PPARGC1A: variants seen among roughly 807,000 people sequenced by gnomAD.
PPARGC1A encodes the protein peroxisome proliferator-activated receptor gamma coactivator 1-alpha.
In PPARGC1A, 25 loss-of-function variants were observed where a neutral mutation model predicts 88.7. The observed-to-expected ratio is 0.28, with a 90% confidence interval of 0.21 to 0.39. The LOEUF is 0.39. PPARGC1A is among the 10% of genes least tolerant of loss of function. PPARGC1A has a pLI of 1.00. For synonymous variants in PPARGC1A, 363 were observed against 355.6 expected, an observed-to-expected ratio of 1.02 and a Z score of -0.24; for missense variants, 880 against 968.7, an observed-to-expected ratio of 0.91 and a Z score of 1.22.
the PPARGC1A span, among the ~76,000 whole-genome samples, chr4:23,910,339 TATTATATATTA>T: frequency 1.6e-5 from 1 of 61,104 alleles, no homozygotes; most frequent in African/African-American, 8.8e-5. Context: ...ATATTATATA[TATTATATATTA>T]TATATATTAT....
At chr4:24,022,083 G>C in the PPARGC1A span, among the ~76,000 whole-genome samples, 7 of 152,280 alleles carry the variant, frequency 4.6e-5, no homozygotes, top group East Asian at 1.4e-3. Context: ...TGAGGGGCCA[G>C]GTCAGGCTGC....
At chr4:24,142,550 T>C in the PPARGC1A span, among the ~76,000 whole-genome samples, 2 of 152,126 alleles carry the variant, frequency 1.3e-5, no homozygotes, top group East Asian at 3.9e-4. Context: ...GGCGGGTGCC[T>C]GTTATCCCAG....
the PPARGC1A span, among the ~76,000 whole-genome samples, chr4:23,931,125 T>A: frequency 2.0e-5 from 3 of 152,266 alleles, no homozygotes; most frequent in East Asian, 5.8e-4. Context: ...GGGAAAGGAA[T>A]TGGCTGCTGT....
At chr4:24,018,284 C>A in the PPARGC1A span, among the ~76,000 whole-genome samples, 1 of 152,160 alleles carries the variant, frequency 6.6e-6, no homozygotes, top group Non-Finnish European at 1.5e-5. Flanking sequence ...TCTCCCTGAA[C>A]AGGTACAGTT....
the PPARGC1A span, among the ~76,000 whole-genome samples, chr4:24,409,856 T>C: frequency 6.4e-4 from 98 of 152,312 alleles, no homozygotes; most frequent in East Asian, 0.012. Context: ...CAGAAAACCA[T>C]GTGTGCTCCA....
At chr4:23,800,526 T>G (rs1481622284) in intron 12 of PPARGC1A, among the ~76,000 whole-genome samples, 3 of 151,532 alleles carry the variant, frequency 2.0e-5, no homozygotes, top group African/African-American at 7.3e-5. Flanking sequence ...AATAAATTAT[T>G]TTTAATCTTG....
the PPARGC1A span, among the ~76,000 whole-genome samples, chr4:24,220,623 C>CA: frequency 1.3e-5 from 2 of 151,898 alleles, no homozygotes; most frequent in South Asian, 2.1e-4. Context: ...AATGCAGGAA[C>CA]AAAAAAATGA....
the PPARGC1A span, among the ~76,000 whole-genome samples, chr4:24,094,010 A>T: frequency 1.3e-5 from 2 of 152,074 alleles, no homozygotes; most frequent in Admixed American, 1.3e-4. Flanking sequence ...TTTTTGTCCA[A>T]GGAAATGTAA....
At chr4:23,824,135 A>T in intron 7 of PPARGC1A, 145 bp downstream of exon 7, 1 of 687,632 alleles carries the variant, frequency 1.5e-6, no homozygotes, top group South Asian at 2.3e-5. Flanking sequence ...AAACAACTGG[A>T]AATATTTGCA....
chr4:24,404,087 C>T, the PPARGC1A span, among the ~76,000 whole-genome samples: 3 of 151,810 alleles, frequency 2.0e-5, no homozygotes, highest in Non-Finnish European at 4.4e-5. Context: ...CATGGTGAAA[C>T]CCTGTCTCTA....
At chr4:23,999,401 T>G in the PPARGC1A span, among the ~76,000 whole-genome samples, 1 of 152,220 alleles carries the variant, frequency 6.6e-6, no homozygotes, top group Non-Finnish European at 1.5e-5. Context: ...TCTATTAGCT[T>G]TCTTGCAGTG....
At chr4:24,439,147 C>T in the PPARGC1A span, among the ~76,000 whole-genome samples, 2 of 152,120 alleles carry the variant, frequency 1.3e-5, no homozygotes, top group African/African-American at 4.8e-5. Context: ...AGAATATTGT[C>T]CTCCCTGCAT....
At chr4:23,989,362 G>A in the PPARGC1A span, among the ~76,000 whole-genome samples, 7 of 151,886 alleles carry the variant, frequency 4.6e-5, no homozygotes, top group African/African-American at 1.7e-4. Flanking sequence ...AGTGCAAGTG[G>A]GTAAGGGAAT....
chr4:24,324,446 C>G, the PPARGC1A span, among the ~76,000 whole-genome samples: 2 of 151,852 alleles, frequency 1.3e-5, no homozygotes, highest in Non-Finnish European at 2.9e-5. Flanking sequence ...TTCTCCGTGT[C>G]TCTACTCTTT....
At chr4:24,056,566 C>T in the PPARGC1A span, among the ~76,000 whole-genome samples, 1 of 152,088 alleles carries the variant, frequency 6.6e-6, no homozygotes, top group East Asian at 1.9e-4. Flanking sequence ...ATGGCCAGCA[C>T]ATAGAATAGG....
chr4:23,887,997 G>A (rs1009060234), intron 1 of PPARGC1A, among the ~76,000 whole-genome samples: 7 of 152,106 alleles, frequency 4.6e-5, no homozygotes, highest in African/African-American at 1.7e-4. Flanking sequence ...AGTGATATAG[G>A]CCTATATTAA....
At chr4:24,049,520 G>A in the PPARGC1A span, among the ~76,000 whole-genome samples, 23 of 151,954 alleles carry the variant, frequency 1.5e-4, no homozygotes, top group Middle Eastern at 3.4e-3. Flanking sequence ...GAATCTTAAA[G>A]GGCATGGAAA....
chr4:24,411,276 C>T, the PPARGC1A span, among the ~76,000 whole-genome samples: 5 of 152,344 alleles, frequency 3.3e-5, no homozygotes, highest in African/African-American at 4.8e-5. Context: ...TTCCCATTTA[C>T]TCAGTGCTTT....
chr4:24,038,037 CCCACA>C, the PPARGC1A span, among the ~76,000 whole-genome samples: 3 of 152,108 alleles, frequency 2.0e-5, no homozygotes, highest in African/African-American at 7.2e-5. Context: ...CACAATTAGC[CCCACA>C]CCATGGCACA....
Sources: allele counts gnomAD v4.1 joint callset (sites outside exome capture counted in the v4.1 genomes callset), GRCh38; gene constraint gnomAD v4.1.1; transcripts MANE v1.5; gene names NCBI Gene and HGNC (gene_info 2026-07-23, HGNC 2026-07-21).